The following ARID1A variants were observed in gnomAD, a reference collection of about 807,000 sequenced individuals.
The protein encoded by ARID1A is AT-rich interactive domain-containing protein 1A.
A neutral mutation model predicts 212.6 loss-of-function variants in ARID1A; 20 were observed. That is an observed-to-expected ratio of 0.09 (90% confidence interval 0.07 to 0.14). ARID1A has a LOEUF of 0.14. Ranked by LOEUF, ARID1A falls within the 10% of genes least tolerant of loss-of-function variation. The pLI, the probability that ARID1A is intolerant of heterozygous loss-of-function variation, is 1.00. For synonymous variants in ARID1A, 1,376 were observed against 1,222.1 expected (o/e 1.13, Z -2.63); for missense variants, 2,587 against 3,059.0 (o/e 0.85, Z 3.64).
intron 4 of ARID1A, among the ~76,000 whole-genome samples, chr1:26,749,971 T>C (rs2080870488): frequency 6.6e-6 from 1 of 152,202 alleles, no homozygotes; most frequent in Non-Finnish European, 1.5e-5. Flanking sequence ...AGGATGCTTT[T>C]GAGTAGATAA....
chr1:26,747,152 T>C (rs2080843883), intron 4 of ARID1A, among the ~76,000 whole-genome samples: 1 of 152,246 alleles, frequency 6.6e-6, no homozygotes, highest in African/African-American at 2.4e-5. Flanking sequence ...AAAGCTGTGA[T>C]GAAATCGATA....
chr1:26,696,180 C>G lies in ARID1A; in HGVS notation c.-224C>G. The G allele has an allele frequency of 1.6e-6, 1 of 614,492 alleles. No individual in the cohort carries two copies. The highest frequency in any genetic ancestry group is 2.2e-6 in the Non-Finnish European group (1 of 452,144). 38.1% of individuals were successfully genotyped at this position (614,492 alleles called of 1,614,324 possible). On this transcript the variant is annotated 5_prime_UTR_variant, in exon 1 of 20. Coordinates refer to ENST00000324856, the MANE Select transcript of ARID1A (RefSeq NM_006015.6). ...GGGAGCAGCTGAGCCGCCGGCGCCT[C>G]GGCCGCCGCCGCCGCCTCCTCCTCC...
chr1:26,745,880 C>T (rs900667011), intron 4 of ARID1A, among the ~76,000 whole-genome samples: 7 of 152,038 alleles, frequency 4.6e-5, no homozygotes, highest in East Asian at 1.9e-4. Context: ...TAAGAAACTC[C>T]GTCTCTACTA....
chr1:26,752,096 C>T (rs1358078726), intron 4 of ARID1A, among the ~76,000 whole-genome samples: 1 of 152,122 alleles, frequency 6.6e-6, no homozygotes, highest in Non-Finnish European at 1.5e-5. Context: ...GGAGGTAGTC[C>T]ATGTAGGTGA....
At chr1:26,768,358 A>G (rs906973397) in intron 11 of ARID1A, among the ~76,000 whole-genome samples, 8 of 152,236 alleles carry the variant, frequency 5.3e-5, no homozygotes, top group African/African-American at 1.9e-4. Flanking sequence ...TTGGCCACTT[A>G]TAACATATAT....
chr1:26,742,826 T>C (rs1457890258), intron 4 of ARID1A, among the ~76,000 whole-genome samples: 2 of 151,996 alleles, frequency 1.3e-5, no homozygotes, highest in Non-Finnish European at 2.9e-5. Context: ...AAAATTTAGC[T>C]GGGCGTGGTG....
intron 8 of ARID1A, 66 bp downstream of exon 8, chr1:26,763,351 T>G: frequency 1.4e-6 from 2 of 1,476,508 alleles, no homozygotes; most frequent in Non-Finnish European, 1.8e-6. Context: ...CTCAGATTAT[T>G]GAGATGCTTC....
At chr1:26,724,913 C>T (rs972232015) in intron 1 of ARID1A, among the ~76,000 whole-genome samples, 13 of 152,190 alleles carry the variant, frequency 8.5e-5, no homozygotes, top group Non-Finnish European at 1.0e-4. Flanking sequence ...CAGTTTATAA[C>T]ATGGCCAGTG....
At chr1:26,720,998 A>C (rs2080559254) in intron 1 of ARID1A, among the ~76,000 whole-genome samples, 1 of 151,812 alleles carries the variant, frequency 6.6e-6, no homozygotes. Flanking sequence ...TGTCTTGACC[A>C]CTCCCTCAGG....
chr1:26,697,592 G>A (rs1446115399), intron 1 of ARID1A, 52 bp downstream of exon 1: 1 of 1,277,920 alleles, frequency 7.8e-7, no homozygotes, highest in Non-Finnish European at 9.9e-7. Flanking sequence ...CTGGGGGTGG[G>A]TGGCGGCTGC....
intron 4 of ARID1A, among the ~76,000 whole-genome samples, chr1:26,746,598 A>G (rs1325648009): frequency 6.6e-6 from 1 of 152,178 alleles, no homozygotes; most frequent in Non-Finnish European, 1.5e-5. Context: ...GTGTGGAGCT[A>G]TGTTAACATA....
At position 26,779,626 on chromosome 1, in the gene ARID1A, A is replaced by G. The variant is rs1570621985; in HGVS notation, c.5728A>G (p.Thr1910Ala). ...ACCTCCAGAAAAACGGATCACAGCC[A>G]CTATGGATGACATGTTGTCTACTCG... is the stretch of plus-strand genomic sequence containing the variant. The part of the protein sequence containing the change: ...DGPPEKRITA[T>A]MDDMLSTRSS... The change falls in exon 20 of 20, where the codon ACT becomes GCT. Residue 1910 changes from threonine to alanine, a missense_variant. By Grantham distance (58) the Thr-to-Ala change is moderately conservative. Coordinates refer to ENST00000324856, the MANE Select transcript of ARID1A (RefSeq NM_006015.6). The G allele has an allele frequency of 6.2e-7, 1 of 1,614,142 alleles. No homozygotes were observed. The highest frequency in any genetic ancestry group is 1.3e-5 in the African/African-American group (1 of 75,028).
chr1:26,779,934 C>T lies in ARID1A; in HGVS notation c.6036C>T (p.Gly2012=), dbSNP rs890097993. 1.9e-6 allele frequency: 3 copies of T among 1,614,032 alleles called. No homozygotes were observed. The highest frequency in any genetic ancestry group is 1.3e-5 in the African/African-American group (1 of 74,910). ...SKHPGLLLIL[G]KLILLHHKHP... ...ACCCAGGGCTGCTGCTCATCCTGGG[C>T]AAGCTGATCCTGCTGCACCACAAGC... Residue 2012 remains glycine (G), a synonymous_variant, in exon 20 of 20, where the codon GGC becomes GGT. Transcript: ENST00000324856.
At position 26,775,124 on chromosome 1, in the gene ARID1A, C is replaced by G. The variant is rs2124123478; in HGVS notation, c.4897C>G (p.Pro1633Ala). 1.2e-6 allele frequency: 2 copies of G among 1,614,070 alleles called. No homozygotes were observed. Among genetic ancestry groups the G allele is most frequent in the Non-Finnish European group, 1.7e-6 (2 of 1,180,002 alleles). ...CATAGCACCTGCCCCTGTGCAGCCC[C>G]CCATGATTCGGCGGGATATCACCTT... ...SHIAPAPVQPPMIRRDITFPP... is the reference protein window; with the variant it reads ...SHIAPAPVQPAMIRRDITFPP... Residue 1633 changes from proline to alanine, a missense_variant, in exon 18 of 20, where the codon CCC (proline) becomes GCC (alanine). Around this residue, in one of 11 missense-constraint regions of ARID1A, gnomAD observed 890 missense variants for 1,098.2 expected, o/e 0.81. Coordinates refer to ENST00000324856, the MANE Select transcript of ARID1A (RefSeq NM_006015.6).
At chr1:26,738,875 T>TG (rs1446561822) in intron 4 of ARID1A, among the ~76,000 whole-genome samples, 3 of 138,922 alleles carry the variant, frequency 2.2e-5, no homozygotes, top group African/African-American at 8.6e-5. Flanking sequence ...ACTTTTCTTT[T>TG]GTTTTTTTTT....
At chr1:26,762,129 A>G (rs370601808) in intron 6 of ARID1A, 23 bp from the exon 7 acceptor site, 7 of 1,603,302 alleles carry the variant, frequency 4.4e-6, no homozygotes, top group South Asian at 2.2e-5. Flanking sequence ...GCTAATAACT[A>G]TATGGATGCT....
In ARID1A at chr1:26,697,277, A is replaced by G; in HGVS notation, c.874A>G (p.Thr292Ala). The stretch of plus-strand genomic sequence containing the variant: ...CGGGGGAACTCCCCAGCCCACCGCC[A>G]CCCCCACCCTCAACCAACTGCTCAC... ...AGGGTPQPTA[T>A]PTLNQLLTSP... is the part of the protein sequence containing the mutation. Residue 292 changes from threonine to alanine, a missense_variant, in exon 1 of 20, where the codon ACC (threonine) becomes GCC (alanine). By Grantham distance (58) the Thr-to-Ala change is moderately conservative. Around this residue, in one of 11 missense-constraint regions of ARID1A, gnomAD observed 735 missense variants for 590.6 expected, o/e 1.24. Transcript: ENST00000324856. 1 of 1,360,396 alleles carries G rather than the reference A, an allele frequency of 7.4e-7. No individual in the cohort carries two copies. The highest frequency in any genetic ancestry group is 9.4e-7 in the Non-Finnish European group (1 of 1,063,158). 84.3% of individuals were successfully genotyped at this position (1,360,396 alleles called of 1,614,324 possible).
intron 12 of ARID1A, 183 bp from the exon 13 acceptor site, chr1:26,772,317 C>G (rs1325342937): frequency 1.2e-6 from 1 of 831,358 alleles, no homozygotes; most frequent in Non-Finnish European, 1.9e-6. Context: ...CAAAGAGCTA[C>G]AAAACCCTCA....
chr1:26,742,659 A>G (rs2080799125), intron 4 of ARID1A, among the ~76,000 whole-genome samples: 1 of 152,164 alleles, frequency 6.6e-6, no homozygotes, highest in South Asian at 2.1e-4. Flanking sequence ...AGCTGAGAGT[A>G]AAATTTTCAA....
Sources: gnomAD v4.1 joint callset for allele counts (sites outside exome capture counted in the v4.1 genomes callset) on GRCh38, gnomAD v4.1.1 for gene constraint, gnomAD v4.1.1 regional missense constraint, MANE v1.5 for transcripts, NCBI Gene and HGNC (gene_info 2026-07-23, HGNC 2026-07-21) for gene names.